Variants in NCAM1 observed in about 807,000 individuals in gnomAD.
The protein encoded by NCAM1 is antigen recognized by monoclonal antibody 5.1H11.
A neutral mutation model predicts 109.8 loss-of-function variants in NCAM1; 14 were observed. That is an observed-to-expected ratio of 0.13 (90% CI 0.08 to 0.20). The LOEUF (loss-of-function observed/expected upper bound fraction) is 0.20. Among genes scored for constraint, NCAM1 ranks in the 10% least tolerant of loss-of-function variants. The pLI is 1.00. For missense variants in NCAM1, 774 were observed against 1,109.9 expected, an observed-to-expected ratio of 0.70 and a Z score of 4.30; for synonymous variants, 418 against 442.9, an observed-to-expected ratio of 0.94 and a Z score of 0.70.
chr11:113,262,267 T>C (rs1303266267), intron 17 of NCAM1, among the ~76,000 whole-genome samples: 1 of 152,216 alleles, frequency 6.6e-6, no homozygotes, highest in Non-Finnish European at 1.5e-5. Flanking sequence ...CTGCTTCATC[T>C]CTGACAAGGC....
intron 1 of NCAM1, among the ~76,000 whole-genome samples, chr11:113,176,063 C>A (rs1943134739): frequency 6.6e-6 from 1 of 152,088 alleles, no homozygotes; most frequent in South Asian, 2.1e-4. Context: ...GGTCAAACAA[C>A]CACCAGATGC....
Position 113,233,776 on chromosome 11 carries a change from C to T in NCAM1, c.1693+459C>T, listed in dbSNP as rs1945082422. Among the ~76,000 whole-genome samples, 1 of 152,214 alleles carries T rather than the reference C, an allele frequency of 6.6e-6. No homozygotes were observed. Among genetic ancestry groups the T allele is most frequent in the Non-Finnish European group, 1.5e-5 (1 of 68,050 alleles). ...AACCAAATAAGCACAGCCAGCAGGA[C>T]AAGTCTGCCCTTAAATCAGTCCTGT... On this transcript the variant is annotated intron_variant, in intron 13 of 19. Transcript: ENST00000316851. The surrounding 1 kb of genome is among the most constrained non-coding windows in gnomAD (Gnocchi z 4.5).
chr11:113,087,898 C>T (rs181542580), intron 1 of NCAM1, among the ~76,000 whole-genome samples: 3 of 152,270 alleles, frequency 2.0e-5, no homozygotes, highest in Admixed American at 1.3e-4. Flanking sequence ...CGGCTAAGAT[C>T]GCAAGGCATT....
intron 1 of NCAM1, among the ~76,000 whole-genome samples, chr11:112,997,524 T>TCCAAATGATA (rs1951627263): frequency 6.6e-6 from 1 of 152,174 alleles, no homozygotes; most frequent in Non-Finnish European, 1.5e-5. Flanking sequence ...TTTATAAAGA[T>TCCAAATGATA]CCAAATGATA....
At chr11:113,268,647 G>C (rs1278464062) in intron 17 of NCAM1, among the ~76,000 whole-genome samples, 1 of 152,222 alleles carries the variant, frequency 6.6e-6, no homozygotes, top group Non-Finnish European at 1.5e-5. Context: ...CCTGGACAGA[G>C]ACCCCTGGGG....
chr11:112,995,486 A>G (rs1338679435), intron 1 of NCAM1, among the ~76,000 whole-genome samples: 1 of 152,224 alleles, frequency 6.6e-6, no homozygotes, highest in Non-Finnish European at 1.5e-5. Context: ...TGTTTACAAC[A>G]GTACTTTTTA....
At chr11:113,185,079 T>TATATATATATATAGAGAGAGAGAGAG in intron 1 of NCAM1, among the ~76,000 whole-genome samples, 27 of 125,726 alleles carry the variant, frequency 2.1e-4, no homozygotes, top group Non-Finnish European at 3.3e-4. Flanking sequence ...TATATATATA[T>TATATATATATATAGAGAGAGAGAGAG]AGAGAGAGAG....
chr11:113,249,271 C>T (rs80278915), intron 15 of NCAM1, among the ~76,000 whole-genome samples: 1,771 of 152,322 alleles, frequency 0.012, 33 homozygotes, highest in African/African-American at 0.04. Flanking sequence ...TGGATTGCCA[C>T]GATCTCTGGC....
intron 14 of NCAM1, among the ~76,000 whole-genome samples, chr11:113,241,507 T>G (rs1039868877): frequency 1.3e-5 from 2 of 152,198 alleles, no homozygotes; most frequent in African/African-American, 4.8e-5. Flanking sequence ...ATTTTCATGT[T>G]TATCATGCTC....
rs1946278834 is a variant in NCAM1 at position 113,271,704 on chromosome 11, T to C, written c.2340-56T>C. On this transcript the variant is annotated intron_variant, in intron 18 of 19. Coordinates refer to ENST00000316851, the MANE Select transcript of NCAM1 (RefSeq NM_181351.5). ...GGGTTGAGTCATAGCTGCTCTTCCG[T>C]GGGAGCCCCTCCCTGCAGCTGCCCT... 2.2e-6 allele frequency: 3 copies of C among 1,368,318 alleles called. No individual in the cohort carries two copies. In the African/African-American group the frequency reaches 4.4e-5, roughly 20 times the overall value. The allele number at this position is 1,368,318 out of a possible 1,614,324, so 84.8% of individuals were successfully genotyped here. A position where few individuals can be genotyped will look rare whatever the true frequency, so the allele number is the denominator to read the frequency against.
intron 1 of NCAM1, among the ~76,000 whole-genome samples, chr11:113,041,692 A>G (rs1163431376): frequency 6.6e-6 from 1 of 151,400 alleles, no homozygotes; most frequent in African/African-American, 2.4e-5. Flanking sequence ...AAAAAAAATT[A>G]TTTTAAGATT....
Position 113,214,451 on chromosome 11 carries a change from A to C in NCAM1, c.999A>C (p.Gly333=). 1 of 1,613,410 alleles carries C rather than the reference A, an allele frequency of 6.2e-7. No homozygotes were observed. Among genetic ancestry groups the C allele is most frequent in the Non-Finnish European group, 8.5e-7 (1 of 1,179,628 alleles). The change falls in exon 8 of 20, where the codon GGA becomes GGC. Residue 333 remains glycine, a synonymous_variant. Coordinates refer to ENST00000316851, the MANE Select transcript of NCAM1 (RefSeq NM_181351.5). The part of the protein sequence containing the change: ...EQVTLTCEAS[G]DPIPSITWRT... ...TCACTCTTACCTGTGAAGCCTCCGGAGACCCCATTCCCTCCATCACCTGGA... is the reference window on the plus strand; with the variant it reads ...TCACTCTTACCTGTGAAGCCTCCGGCGACCCCATTCCCTCCATCACCTGGA...
intron 1 of NCAM1, among the ~76,000 whole-genome samples, chr11:113,154,869 G>A (rs1169590146): frequency 6.6e-6 from 1 of 152,100 alleles, no homozygotes; most frequent in Non-Finnish European, 1.5e-5. Flanking sequence ...TGACACTGGG[G>A]GTCTGCTGGA....
intron 1 of NCAM1, among the ~76,000 whole-genome samples, chr11:113,083,750 C>G (rs60374340): frequency 1.3e-5 from 2 of 152,156 alleles, no homozygotes; most frequent in African/African-American, 2.4e-5. Flanking sequence ...CTAAACTGTT[C>G]TGAGCCAATG....
At chr11:113,119,586 A>AT (rs1454040474) in intron 1 of NCAM1, among the ~76,000 whole-genome samples, 1 of 152,146 alleles carries the variant, frequency 6.6e-6, no homozygotes, top group African/African-American at 2.4e-5. Flanking sequence ...GCTGAGACTA[A>AT]TACAGGTTCC....
At chr11:113,133,190 C>G (rs1941470012) in intron 1 of NCAM1, 1 of 152,180 alleles carries the variant, frequency 6.6e-6, no homozygotes, top group Non-Finnish European at 1.5e-5. Flanking sequence ...GTGCCAGAAG[C>G]TATAGGTTTC....
rs559144076 is a variant in NCAM1 at position 113,118,401 on chromosome 11, T to C, written c.53-83978T>C. On this transcript the variant is annotated intron_variant, in intron 1 of 19. Transcript: ENST00000316851. ...ATCTCAGAAAAGGGCCCTGCCTTTATTGGGGAAGATTTTCTTGGACTTAAG... is the reference window on the plus strand; with the variant it reads ...ATCTCAGAAAAGGGCCCTGCCTTTACTGGGGAAGATTTTCTTGGACTTAAG... Among the ~76,000 whole-genome samples the C allele has an allele frequency of 1.0e-3, 154 of 152,072 alleles. 1 individual carries two copies. The highest frequency in any genetic ancestry group is 1.8e-3 in the Non-Finnish European group (122 of 68,032).
chr11:113,072,111 C>T (rs1555085374), intron 1 of NCAM1, among the ~76,000 whole-genome samples: 2 of 152,182 alleles, frequency 1.3e-5, no homozygotes, highest in Admixed American at 1.3e-4. Context: ...CACCACTGCA[C>T]TCCAGCCTGG....
At chr11:113,205,431 C>T (rs1944207759) in intron 3 of NCAM1, 92 bp from the exon 4 acceptor site, 1 of 1,477,888 alleles carries the variant, frequency 6.8e-7, no homozygotes, top group South Asian at 1.4e-5. Context: ...GAGACTTGCC[C>T]AGGACTCAAG....
Sources: allele counts gnomAD v4.1 joint callset (sites outside exome capture counted in the v4.1 genomes callset), GRCh38; gene constraint gnomAD v4.1.1; non-coding constraint Gnocchi (gnomAD v3.1); transcripts MANE v1.5; gene names NCBI Gene and HGNC (gene_info 2026-07-23, HGNC 2026-07-21).